Variants in ALK observed in about 807,000 individuals in gnomAD.
The protein encoded by ALK is ALK receptor tyrosine kinase, also known as ALK tyrosine kinase receptor.
ALK carries 74 observed loss-of-function variants against 163.1 expected under a neutral mutation model. The observed-to-expected ratio is 0.45, with a 90% CI of 0.38 to 0.55. The LOEUF (loss-of-function observed/expected upper bound fraction) is 0.55. ALK is among the 20% of genes least tolerant of loss of function. The probability of loss-of-function intolerance (pLI) is 0.00; values close to 1 mark genes in which losing one functional copy is unlikely to be tolerated. For missense variants in ALK, 2,063 were observed against 2,105.3 expected, an observed-to-expected ratio of 0.98 and a Z score of 0.39; for synonymous variants, 960 against 843.2, an observed-to-expected ratio of 1.14 and a Z score of -2.40.
intron 1 of ALK, among the ~76,000 whole-genome samples, chr2:29,888,699 T>C (rs1244549545): frequency 6.6e-6 from 1 of 152,212 alleles, no homozygotes; most frequent in African/African-American, 2.4e-5. Flanking sequence ...TATATGTCCA[T>C]GAATTCCTAT....
chr2:29,743,069 C>G (rs1193801264), intron 1 of ALK, among the ~76,000 whole-genome samples: 1 of 152,180 alleles, frequency 6.6e-6, no homozygotes, highest in Admixed American at 6.5e-5. Context: ...CCAAGAAAAA[C>G]AAGTTGTGCT....
rs146067143 is a variant in ALK, at chr2:29,895,114, T to C, written c.667+24879A>G. Among the ~76,000 whole-genome samples, 485 of 152,346 alleles carry C rather than the reference T, an allele frequency of 3.2e-3. 4 individuals are homozygous for C. The highest frequency in any genetic ancestry group is 0.011 in the African/African-American group (467 of 41,578). ...TTTTGAATCAGGTCTTAAAACTTAATGTAGCTTTTATGCCTGGAGATAAGG... is the reference window on the plus strand; with the variant it reads ...TTTTGAATCAGGTCTTAAAACTTAACGTAGCTTTTATGCCTGGAGATAAGG... On this transcript the variant is annotated intron_variant, in intron 1 of 28. Coordinates refer to ENST00000389048, the MANE Select transcript of ALK (RefSeq NM_004304.5).
intron 4 of ALK, among the ~76,000 whole-genome samples, chr2:29,529,166 C>G (rs1673049222): frequency 6.6e-6 from 1 of 152,166 alleles, no homozygotes; most frequent in African/African-American, 2.4e-5. Flanking sequence ...ACCACCTGCT[C>G]ACGACACAGT....
chr2:29,694,199 C>A (rs1007001327), intron 3 of ALK, among the ~76,000 whole-genome samples: 1 of 152,216 alleles, frequency 6.6e-6, no homozygotes. Context: ...TTGCCCACTA[C>A]TTTCCTCTGA....
In ALK at chr2:29,883,793, T is replaced by G. The variant is rs139111789; in HGVS notation, c.667+36200A>C. On this transcript the variant is annotated intron_variant, in intron 1 of 28. Transcript: ENST00000389048. ...TGTGAATTTTTTTCAATAAATATAT[T>G]GGAAAATTTTTTGGAGATTTGTGAC... Among the ~76,000 whole-genome samples the G allele has an allele frequency of 6.8e-3, 1,031 of 152,264 alleles. 11 individuals are homozygous for G. Among genetic ancestry groups the G allele is most frequent in the African/African-American group, 0.023 (951 of 41,540 alleles).
intron 1 of ALK, among the ~76,000 whole-genome samples, chr2:29,732,110 G>A (rs1679758683): frequency 6.6e-6 from 1 of 152,172 alleles, no homozygotes; most frequent in South Asian, 2.1e-4. Context: ...AAAATGCATT[G>A]CTACAATAGG....
intron 12 of ALK, among the ~76,000 whole-genome samples, chr2:29,244,585 G>T (rs1406720467): frequency 6.6e-6 from 1 of 152,308 alleles, no homozygotes; most frequent in African/African-American, 2.4e-5. Flanking sequence ...TGAGCTTGCA[G>T]GGACCTCAGT....
chr2:29,671,192 T>A (rs1015758244), intron 3 of ALK, among the ~76,000 whole-genome samples: 1 of 152,108 alleles, frequency 6.6e-6, no homozygotes, highest in South Asian at 2.1e-4. Context: ...GCCTCCTTTT[T>A]GGTTCTAAGT....
At chr2:29,799,321 A>G (rs1400245048) in intron 1 of ALK, among the ~76,000 whole-genome samples, 1 of 152,202 alleles carries the variant, frequency 6.6e-6, no homozygotes, top group East Asian at 1.9e-4. Context: ...GAATGGGGTC[A>G]CAGAAGAGTT....
At chr2:29,438,386 T>A in intron 4 of ALK, among the ~76,000 whole-genome samples, 1 of 152,232 alleles carries the variant, frequency 6.6e-6, no homozygotes, top group Non-Finnish European at 1.5e-5. Context: ...CATAGCTATT[T>A]GTTATTTAGT....
At chr2:29,707,722 A>G (rs912787171) in intron 2 of ALK, among the ~76,000 whole-genome samples, 1 of 152,228 alleles carries the variant, frequency 6.6e-6, no homozygotes, top group African/African-American at 2.4e-5. Context: ...CCAGAGGGCA[A>G]AACTAGGGAC....
chr2:29,345,042 G>A (rs1038825868), intron 5 of ALK, among the ~76,000 whole-genome samples: 6 of 152,084 alleles, frequency 3.9e-5, no homozygotes, highest in Admixed American at 3.9e-4. Flanking sequence ...TACTTTTAAT[G>A]GCAGAAACTG....
intron 1 of ALK, among the ~76,000 whole-genome samples, chr2:29,782,695 G>A (rs1214860886): frequency 6.6e-6 from 1 of 152,182 alleles, no homozygotes; most frequent in East Asian, 1.9e-4. Flanking sequence ...CCATCAAGCA[G>A]TAACCATTTC....
chr2:29,820,465 G>C (rs1346951329), intron 1 of ALK, among the ~76,000 whole-genome samples: 8 of 152,180 alleles, frequency 5.3e-5, no homozygotes, highest in Admixed American at 4.6e-4. Context: ...CACAGATGTT[G>C]CTGTATTTTT....
chr2:29,293,368 C>T (rs1666089858), intron 9 of ALK, among the ~76,000 whole-genome samples: 1 of 152,042 alleles, frequency 6.6e-6, no homozygotes, highest in Non-Finnish European at 1.5e-5. Flanking sequence ...ACTAAAGATT[C>T]AGGAAGCAGT....
intron 26 of ALK, among the ~76,000 whole-genome samples, chr2:29,206,264 T>C (rs549147729): frequency 5.7e-4 from 85 of 149,272 alleles, no homozygotes; most frequent in African/African-American, 2.0e-3. Flanking sequence ...CTTTCTTTCT[T>C]TCTCTCTCTC....
At chr2:29,843,899 C>T (rs1665766501) in intron 1 of ALK, among the ~76,000 whole-genome samples, 1 of 152,168 alleles carries the variant, frequency 6.6e-6, no homozygotes, top group Admixed American at 6.5e-5. Flanking sequence ...AGATCCAGCA[C>T]CTGCCCTCAT....
chr2:29,382,851 C>T (rs930024790), intron 5 of ALK, among the ~76,000 whole-genome samples: 5 of 152,074 alleles, frequency 3.3e-5, no homozygotes, highest in Non-Finnish European at 5.9e-5. Context: ...GATTAAACAA[C>T]GAAAACAAAA....
chr2:29,590,864 G>T (rs1675033217), intron 3 of ALK, among the ~76,000 whole-genome samples: 1 of 151,728 alleles, frequency 6.6e-6, no homozygotes, highest in African/African-American at 2.4e-5. Context: ...GAGGTCAGGA[G>T]ATCGAGACCA....
Sources: gnomAD v4.1 joint callset for allele counts (sites outside exome capture counted in the v4.1 genomes callset) on GRCh38, gnomAD v4.1.1 for gene constraint, MANE v1.5 for transcripts, NCBI Gene and HGNC (gene_info 2026-07-23, HGNC 2026-07-21) for gene names.